The following ANKRD24 variants were observed in gnomAD, a reference collection of about 807,000 sequenced individuals.
ANKRD24 encodes the protein ankyrin repeat domain-containing protein 24.
Under a neutral mutation model 127.8 loss-of-function variants are expected in ANKRD24, and 109 were observed. The observed-to-expected ratio is 0.85, with a 90% CI of 0.73 to 1.00. ANKRD24 has a LOEUF of 1.00. Among genes scored for constraint, ANKRD24 ranks in the 50% least tolerant of loss-of-function variants. ANKRD24 has a pLI of 0.00. For missense variants in ANKRD24, 1,648 were observed against 1,570.2 expected (o/e 1.05, Z -0.84); for synonymous variants, 743 against 671.1 (o/e 1.11, Z -1.66).
At position 4,207,508 on chromosome 19, in the gene ANKRD24, C is replaced by T; in HGVS notation, c.545C>T (p.Ala182Val). The part of the protein sequence containing the change: ...AHLNPQDRSG[A>V]TPLIIAAQMC... ...CCTCCTCCTCCCTACCAGTCAGGCG[C>T]AACACCCCTCATTATAGCAGCTCAG... Residue 182 changes from alanine (A) to valine (V), a missense_variant, in exon 9 of 22, where the codon GCA (alanine) becomes GTA (valine). By Grantham distance (64) the Ala-to-Val change is moderately conservative (BLOSUM62 0). Coordinates refer to ENST00000318934, the MANE Select transcript of ANKRD24 (RefSeq NM_001393985.1). 1 of 1,613,850 alleles carries T rather than the reference C, an allele frequency of 6.2e-7. No homozygotes were observed. Among genetic ancestry groups the T allele is most frequent in the Non-Finnish European group, 8.5e-7 (1 of 1,179,798 alleles).
At chr19:4,196,289 T>C (rs1448194079) in intron 2 of ANKRD24, among the ~76,000 whole-genome samples, 1 of 152,230 alleles carries the variant, frequency 6.6e-6, no homozygotes, top group Non-Finnish European at 1.5e-5. Flanking sequence ...CCCTGTCACC[T>C]GTCTGCTGCG....
chr19:4,203,383 G>C (rs914732226), intron 7 of ANKRD24, among the ~76,000 whole-genome samples: 4 of 151,854 alleles, frequency 2.6e-5, no homozygotes, highest in Admixed American at 2.0e-4. Context: ...GTCTTGCTCT[G>C]TTGCCCAGGC....
chr19:4,193,853 A>G (rs138758988), intron 2 of ANKRD24, among the ~76,000 whole-genome samples: 787 of 23,840 alleles, frequency 0.033, 1 homozygote, highest in East Asian at 0.074. Flanking sequence ...GGGAGGAAGG[A>G]AGGAAGGAAG....
chr19:4,187,572 G>A lies in ANKRD24; in HGVS notation c.36+1111G>A, dbSNP rs147525214. 3.1e-3 allele frequency among the ~76,000 whole-genome samples: 476 copies of A among 152,330 alleles called. 3 individuals carry two copies. Among genetic ancestry groups the A allele is most frequent in the African/African-American group, 0.011 (453 of 41,574 alleles). On this transcript the variant is annotated intron_variant, in intron 2 of 21. Transcript: ENST00000318934. Reference sequence around the variant, plus strand: ...TGGCTATGAACTCCTAGAAAGACATGCTTCTTCCTCCATTGTCCCCATTCT... The same window carrying A: ...TGGCTATGAACTCCTAGAAAGACATACTTCTTCCTCCATTGTCCCCATTCT...
chr19:4,224,675 C>T lies in ANKRD24; in HGVS notation c.*170C>T. 6.0e-6 allele frequency: 4 copies of T among 662,378 alleles called. No homozygotes were observed. In the South Asian group the frequency reaches 7.1e-5, roughly 12 times the overall value. The allele number at this position is 662,378 out of a possible 1,614,324, so 41.0% of individuals were successfully genotyped here. A position where few individuals can be genotyped will look rare whatever the true frequency, so the allele number is the denominator to read the frequency against. On this transcript the variant is annotated 3_prime_UTR_variant, in exon 22 of 22. Transcript: ENST00000318934. Reference sequence around the variant, plus strand: ...ACCACCCCCAGCTGGCTCCATCACCCCACCTGGTCTCTGCACGCACACACT... The same window carrying T: ...ACCACCCCCAGCTGGCTCCATCACCTCACCTGGTCTCTGCACGCACACACT...
intron 15 of ANKRD24, among the ~76,000 whole-genome samples, chr19:4,215,404 G>A (rs1276046473): frequency 6.7e-6 from 1 of 150,280 alleles, no homozygotes; most frequent in Non-Finnish European, 1.5e-5. Context: ...AGAATCACTT[G>A]AATCTGGGAG....
At chr19:4,206,062 A>G in intron 7 of ANKRD24, among the ~76,000 whole-genome samples, 2 of 152,040 alleles carry the variant, frequency 1.3e-5, no homozygotes, top group Non-Finnish European at 2.9e-5. Flanking sequence ...GAATGGCATG[A>G]ACCCGGGAGG....
At chr19:4,221,932 A>T (rs1568347619) in intron 19 of ANKRD24, among the ~76,000 whole-genome samples, 1 of 152,158 alleles carries the variant, frequency 6.6e-6, no homozygotes. Context: ...ACAACCACAG[A>T]TGTCCCCACA....
At position 4,207,979 on chromosome 19, in the gene ANKRD24, C is replaced by T. The variant is rs1969494803; in HGVS notation, c.832+11C>T. On this transcript the variant is annotated intron_variant, in intron 10 of 21. Transcript: ENST00000318934. ...CCTCCCCACCCAGCGGTATGCAAGCCCCACCTCCCCAATGCATTTGCTTCT... is the reference window on the plus strand; with the variant it reads ...CCTCCCCACCCAGCGGTATGCAAGCTCCACCTCCCCAATGCATTTGCTTCT... 1 of 1,468,862 alleles carries T rather than the reference C, an allele frequency of 6.8e-7. No individual in the cohort carries two copies. The highest frequency in any genetic ancestry group is 9.0e-7 in the Non-Finnish European group (1 of 1,110,100). The allele number at this position is 1,468,862 out of a possible 1,614,324, so 91.0% of individuals were successfully genotyped here. A position where few individuals can be genotyped will look rare whatever the true frequency, so the allele number is the denominator to read the frequency against.
chr19:4,210,325 C>T lies in ANKRD24; in HGVS notation c.1012C>T (p.Gln338Ter), dbSNP rs910103079. The change falls in exon 13 of 22, where the codon CAG becomes TAG. Residue 338 changes from glutamine (Q) to a stop codon, truncating the protein, a stop_gained. Transcript: ENST00000318934. LOFTEE classifies it high-confidence loss of function. Reference sequence around the variant, plus strand: ...GCGGCAGGAGAGGGGCCGCCTCCTGCAGAAGATCCGGGGCCTGGAACAGCA... The same window carrying T: ...GCGGCAGGAGAGGGGCCGCCTCCTGTAGAAGATCCGGGGCCTGGAACAGCA... ...RLRQERGRLL[Q>*]KIRGLEQHKE... 3.2e-6 allele frequency: 5 copies of T among 1,580,180 alleles called. No individual in the cohort carries two copies. The highest frequency in any genetic ancestry group is 4.3e-6 in the Non-Finnish European group (5 of 1,163,830).
chr19:4,203,492 G>A (rs753579856), intron 7 of ANKRD24, among the ~76,000 whole-genome samples: 8 of 151,820 alleles, frequency 5.3e-5, no homozygotes, highest in Admixed American at 1.3e-4. Context: ...GACCACAGGC[G>A]TGCACCACCA....
At chr19:4,188,043 G>A (rs988324899) in intron 2 of ANKRD24, among the ~76,000 whole-genome samples, 6 of 152,076 alleles carry the variant, frequency 3.9e-5, no homozygotes, top group African/African-American at 1.4e-4. Context: ...AAAAAGAGAG[G>A]CCTGTGGAAC....
At chr19:4,222,589 G>C in intron 19 of ANKRD24, 81 bp from the exon 20 acceptor site, 6 of 1,432,884 alleles carry the variant, frequency 4.2e-6, no homozygotes, top group Non-Finnish European at 5.6e-6. Context: ...TTTATCCCTG[G>C]CCTCTTCCTG....
Position 4,224,749 on chromosome 19 carries a change from C to T in ANKRD24, c.*244C>T. The T allele has an allele frequency of 3.6e-6, 2 of 553,662 alleles. 1 individual carries two copies. The highest frequency in any genetic ancestry group is 4.3e-5 in the South Asian group (2 of 46,376). 34.3% of individuals were successfully genotyped at this position (553,662 alleles called of 1,614,324 possible). A position where few individuals can be genotyped will look rare whatever the true frequency, so the allele number is the denominator to read the frequency against. The stretch of plus-strand genomic sequence containing the variant: ...ACTGCCCCTCCCCCACCACCGGAGA[C>T]TGTGATTCCCTGTGTCCTCCACATC... On this transcript the variant is annotated 3_prime_UTR_variant, in exon 22 of 22. Coordinates refer to ENST00000318934, the MANE Select transcript of ANKRD24 (RefSeq NM_001393985.1).
rs926219758 is a variant in ANKRD24, at chr19:4,195,954, A to G, written c.37-3729A>G. 1.3e-5 allele frequency among the ~76,000 whole-genome samples: 2 copies of G among 152,220 alleles called. No homozygotes were observed. The highest frequency in any genetic ancestry group is 6.5e-5 in the Admixed American group (1 of 15,272). ...GACCACACCGACGTGTAAATGCTCA[A>G]TGCTCACCCAGCCCTAAGCCAGTGG... On this transcript the variant is annotated intron_variant, in intron 2 of 21. Coordinates refer to ENST00000318934, the MANE Select transcript of ANKRD24 (RefSeq NM_001393985.1). This position sits in a 1 kb window ranked among gnomAD's most constrained non-coding sequence, Gnocchi z 4.2.
At chr19:4,208,666 T>C in intron 10 of ANKRD24, 98 bp from the exon 11 acceptor site, 1 of 1,208,676 alleles carries the variant, frequency 8.3e-7, no homozygotes, top group Non-Finnish European at 1.2e-6. Flanking sequence ...CCCTGATTCT[T>C]GGGGAAATCG....
chr19:4,185,104 A>G lies in ANKRD24; in HGVS notation c.-36-1286A>G, dbSNP rs557379896. Among the ~76,000 whole-genome samples the G allele has an allele frequency of 1.9e-3, 276 of 141,568 alleles. 1 individual carries two copies. The highest frequency in any genetic ancestry group is 6.9e-3 in the African/African-American group (266 of 38,704). The allele number at this position is 141,568 out of a possible 152,430, so 92.9% of individuals were successfully genotyped here. A position where few individuals can be genotyped will look rare whatever the true frequency, so the allele number is the denominator to read the frequency against. On this transcript the variant is annotated intron_variant, in intron 1 of 21. Coordinates refer to ENST00000318934, the MANE Select transcript of ANKRD24 (RefSeq NM_001393985.1). ...TGTGATTGGGTGGGCAGATGGGTGGATGGATGGATGCTTGGGCAGATGGAT... is the reference window on the plus strand; with the variant it reads ...TGTGATTGGGTGGGCAGATGGGTGGGTGGATGGATGCTTGGGCAGATGGAT...
rs575893376 is a variant in ANKRD24 at position 4,210,292 on chromosome 19, G to T, written c.979G>T (p.Val327Leu). The change falls in exon 13 of 22, where the codon GTG (valine) becomes TTG (leucine). Residue 327 changes from valine to leucine, a missense_variant. Physicochemically the swap from Val to Leu is conservative, Grantham distance 32. Coordinates refer to ENST00000318934, the MANE Select transcript of ANKRD24 (RefSeq NM_001393985.1). ...TGATCGAGATGCCTATGAGGAGATC[G>T]TGAGGCTGCGGCAGGAGAGGGGCCG... ...PDDRDAYEEI[V>L]RLRQERGRLL... 3 of 1,588,432 alleles carry T rather than the reference G, an allele frequency of 1.9e-6. No individual in the cohort carries two copies. Among genetic ancestry groups the T allele is most frequent in the Non-Finnish European group, 2.6e-6 (3 of 1,168,002 alleles).
intron 13 of ANKRD24, among the ~76,000 whole-genome samples, chr19:4,211,481 A>T (rs1385938915): frequency 6.6e-6 from 1 of 151,836 alleles, no homozygotes; most frequent in Non-Finnish European, 1.5e-5. Context: ...TCTACTAAAA[A>T]TACAAAAAAA....
Sources: gnomAD v4.1 joint callset for allele counts (sites outside exome capture counted in the v4.1 genomes callset) on GRCh38, gnomAD v4.1.1 for gene constraint, Gnocchi (gnomAD v3.1) non-coding constraint, MANE v1.5 for transcripts, NCBI Gene and HGNC (gene_info 2026-07-23, HGNC 2026-07-21) for gene names.